The following CNTN3 variants were observed in gnomAD, a reference collection of about 807,000 sequenced individuals.
CNTN3 encodes the protein contactin 3, also known as contactin-3.
A neutral mutation model predicts 119.1 loss-of-function variants in CNTN3; 60 were observed. The ratio of observed to expected loss-of-function variants is 0.50; its 90% CI spans 0.41 to 0.62. The LOEUF (loss-of-function observed/expected upper bound fraction) is 0.62. CNTN3 is among the 20% of genes least tolerant of loss of function. CNTN3 has a pLI of 0.00. For synonymous variants in CNTN3, 450 were observed against 438.7 expected (o/e 1.03, Z -0.32); for missense variants, 1,101 against 1,242.4 (o/e 0.89, Z 1.71).
chr3:74,506,045 G>A (rs1575791602), intron 2 of CNTN3, among the ~76,000 whole-genome samples: 1 of 152,150 alleles, frequency 6.6e-6, no homozygotes, highest in South Asian at 2.1e-4. Flanking sequence ...AGGAATGGCA[G>A]AGCCCTTTCA....
At chr3:74,426,250 T>C (rs970016768) in intron 4 of CNTN3, among the ~76,000 whole-genome samples, 1 of 152,176 alleles carries the variant, frequency 6.6e-6, no homozygotes, top group Non-Finnish European at 1.5e-5. Context: ...GTTAATATAC[T>C]CTATGGTGTC....
intron 6 of CNTN3, among the ~76,000 whole-genome samples, chr3:74,370,964 T>C (rs771448965): frequency 2.6e-5 from 4 of 152,104 alleles, no homozygotes; most frequent in Non-Finnish European, 5.9e-5. Context: ...GGGCCACTCA[T>C]TTTTACTTTG....
At chr3:74,516,552 G>A (rs1293259699) in intron 2 of CNTN3, among the ~76,000 whole-genome samples, 2 of 150,532 alleles carry the variant, frequency 1.3e-5, no homozygotes, top group Non-Finnish European at 2.9e-5. Flanking sequence ...CTATTTTATT[G>A]GTAAGACTTC....
In CNTN3 at chr3:74,355,013, T is replaced by C. The variant is rs1210942538; in HGVS notation, c.1364+6877A>G. Among the ~76,000 whole-genome samples, 6 of 152,146 alleles carry C rather than the reference T, an allele frequency of 3.9e-5. 1 individual carries two copies. The highest frequency in any genetic ancestry group is 1.4e-4 in the African/African-American group (6 of 41,386). On this transcript the variant is annotated intron_variant, in intron 11 of 22. Transcript: ENST00000263665. ...TCCAAGCTCATGACACATAAATCTC[T>C]GTTTCTATAGCCTGAGTCTTTCTCC...
intron 2 of CNTN3, 75 bp downstream of exon 2, chr3:74,520,983 A>G: frequency 2.6e-6 from 2 of 755,986 alleles, no homozygotes; most frequent in Admixed American, 6.3e-5. Context: ...TTATTTCAAC[A>G]TCTAAAAATT....
At chr3:74,409,432 C>G (rs1431737965) in intron 5 of CNTN3, among the ~76,000 whole-genome samples, 1 of 151,154 alleles carries the variant, frequency 6.6e-6, no homozygotes, top group Non-Finnish European at 1.5e-5. Flanking sequence ...GCTCTCTGAA[C>G]CTCTTCCAGT....
chr3:74,505,900 A>G (rs1409101761), intron 2 of CNTN3, among the ~76,000 whole-genome samples: 1 of 152,192 alleles, frequency 6.6e-6, no homozygotes, highest in East Asian at 1.9e-4. Flanking sequence ...AAATTGAGAA[A>G]TTAATAGTTC....
chr3:74,304,145 C>T (rs1452393404), intron 13 of CNTN3, among the ~76,000 whole-genome samples: 1 of 152,046 alleles, frequency 6.6e-6, no homozygotes, highest in Admixed American at 6.5e-5. Context: ...GTTGCATGTT[C>T]TCTGTTAGTT....
intron 4 of CNTN3, among the ~76,000 whole-genome samples, chr3:74,436,722 G>C (rs947805530): frequency 2.6e-5 from 4 of 152,128 alleles, no homozygotes; most frequent in African/African-American, 9.7e-5. Flanking sequence ...TTAGATAAAA[G>C]AGATTGGGCA....
intron 11 of CNTN3, among the ~76,000 whole-genome samples, chr3:74,352,576 A>C (rs1703842238): frequency 6.6e-6 from 1 of 152,230 alleles, no homozygotes. Flanking sequence ...CATTCTAAAC[A>C]GACTGTGGGC....
At chr3:74,453,254 T>C (rs1279167446) in intron 4 of CNTN3, among the ~76,000 whole-genome samples, 2 of 152,012 alleles carry the variant, frequency 1.3e-5, no homozygotes, top group African/African-American at 2.4e-5. Context: ...GAAGAGTGTA[T>C]GTGTCGAGGA....
chr3:74,453,176 T>C (rs568050142), intron 4 of CNTN3, among the ~76,000 whole-genome samples: 218 of 152,212 alleles, frequency 1.4e-3, no homozygotes, highest in Middle Eastern at 3.4e-3. Context: ...AGCTGTTGAT[T>C]ATTGCCACAA....
chr3:74,487,243 C>T lies in CNTN3; in HGVS notation c.183-612G>A, dbSNP rs368039644. ...CTAACCCCAGAGCCATATTTATCAA[C>T]GAGAAGCCTAAAGATAAATGAAGAG... On this transcript the variant is annotated intron_variant, in intron 3 of 22. Coordinates refer to ENST00000263665, the MANE Select transcript of CNTN3 (RefSeq NM_020872.3). Among the ~76,000 whole-genome samples the T allele has an allele frequency of 8.5e-5, 13 of 152,128 alleles. No individual in the cohort carries two copies. In the East Asian group the frequency reaches 1.4e-3, roughly 16 times the overall value.
intron 1 of CNTN3, among the ~76,000 whole-genome samples, chr3:74,528,225 C>T (rs952336661): frequency 9.2e-5 from 14 of 151,830 alleles, no homozygotes; most frequent in Middle Eastern, 3.4e-3. Context: ...CCTCCTTGTA[C>T]GATAATGAAG....
chr3:74,402,139 A>C (rs1211998645), intron 5 of CNTN3, among the ~76,000 whole-genome samples: 1 of 152,186 alleles, frequency 6.6e-6, no homozygotes, highest in Non-Finnish European at 1.5e-5. Context: ...TAAATCTTCA[A>C]AGTAAGGCAT....
At chr3:74,288,640 C>T (rs760337252) in intron 19 of CNTN3, among the ~76,000 whole-genome samples, 2 of 152,122 alleles carry the variant, frequency 1.3e-5, no homozygotes, top group Admixed American at 6.5e-5. Context: ...TAATCTGTAT[C>T]ATTTCACAAG....
chr3:74,344,943 T>C (rs777543748), intron 11 of CNTN3, among the ~76,000 whole-genome samples: 1 of 151,988 alleles, frequency 6.6e-6, no homozygotes, highest in African/African-American at 2.4e-5. Context: ...TCATCTAAGA[T>C]ATATGGGCCT....
At chr3:74,342,464 C>A (rs1411968714) in intron 11 of CNTN3, among the ~76,000 whole-genome samples, 1 of 152,206 alleles carries the variant, frequency 6.6e-6, no homozygotes, top group East Asian at 1.9e-4. Context: ...AGTTAATTAA[C>A]CTAACTTTGA....
Position 74,266,545 on chromosome 3 carries a change from G to T in CNTN3, c.2922C>A (p.Val974=). 8 of 1,613,596 alleles carry T rather than the reference G, an allele frequency of 5.0e-6. No homozygotes were observed. Among genetic ancestry groups the T allele is most frequent in the Non-Finnish European group, 6.8e-6 (8 of 1,179,626 alleles). The change falls in exon 22 of 23, where the codon GTC becomes GTA. Residue 974 remains valine, a synonymous_variant. Coordinates refer to ENST00000263665, the MANE Select transcript of CNTN3 (RefSeq NM_020872.3). ...LPIKEDYIIE[V]KATTDGGDGT... ...CATCCCCTCCATCTGTTGTGGCCTT[G>T]ACTTCAATAATGTAGTCCTCTTTAA...
Sources: allele counts gnomAD v4.1 joint callset (sites outside exome capture counted in the v4.1 genomes callset), GRCh38; gene constraint gnomAD v4.1.1; transcripts MANE v1.5; gene names NCBI Gene and HGNC (gene_info 2026-07-23, HGNC 2026-07-21).